PTPRT: variants seen among roughly 807,000 people sequenced by gnomAD.
PTPRT encodes the protein receptor-type tyrosine-protein phosphatase T.
Under a neutral mutation model 176.8 loss-of-function variants are expected in PTPRT, and 56 were observed. The observed-to-expected ratio is 0.32, with a 90% CI of 0.26 to 0.40. PTPRT has a LOEUF of 0.40. PTPRT is among the 10% of genes least tolerant of loss of function. The pLI, the probability that PTPRT is intolerant of heterozygous loss-of-function variation, is 1.00. For missense variants in PTPRT, 1,540 were observed against 1,908.2 expected, an observed-to-expected ratio of 0.81 and a Z score of 3.60; for synonymous variants, 783 against 739.0, an observed-to-expected ratio of 1.06 and a Z score of -0.96.
chr20:43,052,959 C>G (rs1165640129), intron 1 of PTPRT, among the ~76,000 whole-genome samples: 1 of 152,010 alleles, frequency 6.6e-6, no homozygotes, highest in East Asian at 1.9e-4. Context: ...TAAAGATGTT[C>G]AAACAAAACA....
intron 1 of PTPRT, among the ~76,000 whole-genome samples, chr20:42,942,774 G>A (rs938358160): frequency 1.3e-5 from 2 of 152,168 alleles, no homozygotes; most frequent in African/African-American, 2.4e-5. Flanking sequence ...TAGGGATATT[G>A]ATGGTACTAA....
intron 2 of PTPRT, among the ~76,000 whole-genome samples, chr20:42,815,667 G>T (rs2077770685): frequency 2.0e-5 from 3 of 152,116 alleles, no homozygotes; most frequent in Admixed American, 1.3e-4. Context: ...TTGTCTTCTA[G>T]GGCCTCTCTG....
intron 1 of PTPRT, among the ~76,000 whole-genome samples, chr20:43,022,584 A>T (rs1985731727): frequency 1.3e-5 from 2 of 152,296 alleles, no homozygotes; most frequent in South Asian, 4.1e-4. Context: ...ATGTCTGGAG[A>T]GGGGGCTGAT....
intron 1 of PTPRT, among the ~76,000 whole-genome samples, chr20:42,943,428 G>T: frequency 6.6e-6 from 1 of 152,164 alleles, no homozygotes; most frequent in East Asian, 1.9e-4. Context: ...CGGGTGCAGG[G>T]AAGCTTGACC....
At chr20:42,957,345 G>A (rs1199934058) in intron 1 of PTPRT, among the ~76,000 whole-genome samples, 1 of 152,128 alleles carries the variant, frequency 6.6e-6, no homozygotes, top group African/African-American at 2.4e-5. Flanking sequence ...ATATGGAAGG[G>A]TGTTAATTTT....
intron 8 of PTPRT, among the ~76,000 whole-genome samples, chr20:42,449,713 G>T (rs1471985956): frequency 6.6e-6 from 1 of 152,118 alleles, no homozygotes; most frequent in Non-Finnish European, 1.5e-5. Context: ...TAATCATCAC[G>T]CTACGCCTCT....
At chr20:42,892,851 A>G (rs962719270) in intron 1 of PTPRT, among the ~76,000 whole-genome samples, 2 of 152,184 alleles carry the variant, frequency 1.3e-5, no homozygotes, top group African/African-American at 2.4e-5. Flanking sequence ...GTCCCATAGT[A>G]TATGCTTGCA....
At chr20:42,689,398 T>G (rs1292074033) in intron 6 of PTPRT, among the ~76,000 whole-genome samples, 2 of 152,094 alleles carry the variant, frequency 1.3e-5, no homozygotes, top group Non-Finnish European at 2.9e-5. Flanking sequence ...ATCCTCCCCT[T>G]CTGGCTCCCC....
chr20:42,626,537 C>T (rs1467430279), intron 7 of PTPRT, among the ~76,000 whole-genome samples: 2 of 152,182 alleles, frequency 1.3e-5, no homozygotes, highest in Non-Finnish European at 1.5e-5. Flanking sequence ...GCAAGCTACC[C>T]TCCTTTTTTC....
chr20:43,070,066 A>G (rs1311647811), intron 1 of PTPRT, among the ~76,000 whole-genome samples: 1 of 152,168 alleles, frequency 6.6e-6, no homozygotes, highest in Non-Finnish European at 1.5e-5. Context: ...TGACCTACAG[A>G]TGTATTTCAA....
intron 7 of PTPRT, among the ~76,000 whole-genome samples, chr20:42,589,563 A>G (rs1568999320): frequency 6.6e-6 from 1 of 152,194 alleles, no homozygotes; most frequent in Non-Finnish European, 1.5e-5. Flanking sequence ...AATAACCTGT[A>G]CTTTGAATGG....
intron 5 of PTPRT, among the ~76,000 whole-genome samples, chr20:42,764,750 A>G (rs1476050271): frequency 1.3e-5 from 2 of 152,254 alleles, no homozygotes; most frequent in African/African-American, 4.8e-5. Flanking sequence ...AATTAAATAC[A>G]TCCTATGTGT....
At chr20:42,252,555 A>G (rs1011519803) in intron 13 of PTPRT, among the ~76,000 whole-genome samples, 4 of 152,198 alleles carry the variant, frequency 2.6e-5, no homozygotes, top group Non-Finnish European at 5.9e-5. Flanking sequence ...TCCTAGAGCC[A>G]AGAGAAGAGA....
At chr20:42,388,248 T>A (rs1252258798) in intron 9 of PTPRT, among the ~76,000 whole-genome samples, 1 of 152,104 alleles carries the variant, frequency 6.6e-6, no homozygotes, top group African/African-American at 2.4e-5. Flanking sequence ...CCAAAAGCAA[T>A]GACAACAAAA....
At chr20:42,578,536 A>G (rs1344517382) in intron 7 of PTPRT, among the ~76,000 whole-genome samples, 1 of 152,132 alleles carries the variant, frequency 6.6e-6, no homozygotes, top group Non-Finnish European at 1.5e-5. Flanking sequence ...AACCTGCTCC[A>G]TCGACATTCT....
intron 23 of PTPRT, among the ~76,000 whole-genome samples, chr20:42,107,828 A>G (rs1055610817): frequency 6.6e-6 from 1 of 152,252 alleles, no homozygotes; most frequent in African/African-American, 2.4e-5. Context: ...CAAAAAAGCA[A>G]TATTGGCTCA....
At chr20:42,700,443 G>A (rs188815240) in intron 6 of PTPRT, among the ~76,000 whole-genome samples, 85 of 152,162 alleles carry the variant, frequency 5.6e-4, no homozygotes, top group African/African-American at 2.0e-3. Context: ...ACTACACCGC[G>A]GATATTTTCT....
At position 42,719,304 on chromosome 20, in the gene PTPRT, G is replaced by C. The variant is rs1047880165; in HGVS notation, c.859+37158C>G. 8.5e-5 allele frequency among the ~76,000 whole-genome samples: 13 copies of C among 152,058 alleles called. No individual in the cohort carries two copies. In the South Asian group the frequency reaches 1.7e-3, roughly 19 times the overall value. On this transcript the variant is annotated intron_variant, in intron 6 of 30. Coordinates refer to ENST00000373187, the MANE Select transcript of PTPRT (RefSeq NM_007050.6). ...TCACTCACAAAGAGAAATATGAAGG[G>C]GTATGGTAGCCAGCACTCTGGGGAA...
At chr20:42,564,145 C>T (rs1458531647) in intron 7 of PTPRT, among the ~76,000 whole-genome samples, 1 of 152,204 alleles carries the variant, frequency 6.6e-6, no homozygotes, top group Non-Finnish European at 1.5e-5. Flanking sequence ...TGCAAAGGGG[C>T]TGAGAGGTGT....
Sources: allele counts gnomAD v4.1 joint callset (sites outside exome capture counted in the v4.1 genomes callset), GRCh38; gene constraint gnomAD v4.1.1; transcripts MANE v1.5; gene names NCBI Gene and HGNC (gene_info 2026-07-23, HGNC 2026-07-21).